Variants in YARS1 observed in about 807,000 individuals in gnomAD.
YARS1 encodes the protein tyrosine--tRNA ligase, cytoplasmic.
In YARS1, 36 loss-of-function variants were observed where a neutral mutation model predicts 62.2. The observed-to-expected ratio is 0.58, with a 90% CI of 0.44 to 0.76. The LOEUF is 0.76. YARS1 is among the 30% of genes least tolerant of loss of function. The probability of loss-of-function intolerance (pLI) is 0.00; values close to 1 mark genes in which losing one functional copy is unlikely to be tolerated. For synonymous variants in YARS1, 234 were observed against 244.9 expected, an observed-to-expected ratio of 0.96 and a Z score of 0.42; for missense variants, 524 against 639.8, an observed-to-expected ratio of 0.82 and a Z score of 1.95.
At chr1:32,777,755 G>A (rs1400964592) in intron 12 of YARS1, among the ~76,000 whole-genome samples, 1 of 152,168 alleles carries the variant, frequency 6.6e-6, no homozygotes, top group African/African-American at 2.4e-5. Context: ...GAGCTATGAT[G>A]GCACCACTGG....
chr1:32,792,704 C>T (rs1393916522), intron 5 of YARS1, among the ~76,000 whole-genome samples: 1 of 151,908 alleles, frequency 6.6e-6, no homozygotes, highest in Admixed American at 6.6e-5. Flanking sequence ...CACGGTGAAA[C>T]CCCGTCTCTA....
At chr1:32,797,638 TCTGCAAAACAAGG>T in intron 5 of YARS1, 112 bp downstream of exon 5, 1 of 854,168 alleles carries the variant, frequency 1.2e-6, no homozygotes, top group Admixed American at 1.8e-5. Flanking sequence ...AGTGTTCTCA[TCTGCAAAACAAGG>T]AGAATATTTA....
intron 1 of YARS1, among the ~76,000 whole-genome samples, chr1:32,815,921 A>G (rs1219891923): frequency 8.5e-5 from 13 of 152,082 alleles, no homozygotes; most frequent in Admixed American, 8.5e-4. Context: ...CACCCTGGCT[A>G]ACACGGTGAA....
intron 7 of YARS1, 194 bp from the exon 8 acceptor site, chr1:32,786,641 G>A: frequency 1.4e-6 from 1 of 722,352 alleles, no homozygotes; most frequent in Non-Finnish European, 2.4e-6. Context: ...TGCTTCAGGG[G>A]AAGGCTTGTG....
At chr1:32,805,028 G>A (rs1207442669) in intron 4 of YARS1, among the ~76,000 whole-genome samples, 3 of 152,090 alleles carry the variant, frequency 2.0e-5, no homozygotes, top group Non-Finnish European at 4.4e-5. Flanking sequence ...GTCAGGAGCT[G>A]GAGACCAGCC....
intron 8 of YARS1, among the ~76,000 whole-genome samples, chr1:32,784,008 C>CATT (rs1553123010): frequency 1.4e-5 from 2 of 142,068 alleles, no homozygotes; most frequent in Non-Finnish European, 1.5e-5. Context: ...CCACAAAAGA[C>CATT]TTTTTTTTTT....
intron 1 of YARS1, chr1:32,811,434 T>C (rs1638583599): frequency 2.8e-6 from 1 of 353,110 alleles, no homozygotes; most frequent in African/African-American, 2.1e-5. Flanking sequence ...CCAGTTGATA[T>C]TACCCTAAGC....
chr1:32,777,998 T>C (rs1367340211), intron 12 of YARS1, among the ~76,000 whole-genome samples: 1 of 152,128 alleles, frequency 6.6e-6, no homozygotes, highest in East Asian at 1.9e-4. Flanking sequence ...AAAAAGAGAT[T>C]CACAAAGTCA....
intron 4 of YARS1, among the ~76,000 whole-genome samples, chr1:32,800,366 G>A (rs1185308642): frequency 6.6e-6 from 1 of 152,054 alleles, no homozygotes; most frequent in African/African-American, 2.4e-5. Flanking sequence ...AGGGCTAGAC[G>A]TGTTGGCTTA....
chr1:32,800,652 C>T (rs1327873449), intron 4 of YARS1, among the ~76,000 whole-genome samples: 1 of 151,750 alleles, frequency 6.6e-6, no homozygotes, highest in Non-Finnish European at 1.5e-5. Flanking sequence ...TGCAGTGGTG[C>T]GAGCTCCGCC....
At position 32,781,780 on chromosome 1, in the gene YARS1, C is replaced by G. The variant is rs139095070; in HGVS notation, c.1042+624G>C. 2.8e-3 allele frequency: 456 copies of G among 164,074 alleles called. 1 individual carries two copies. Among genetic ancestry groups the G allele is most frequent in the Non-Finnish European group, 4.7e-3 (353 of 75,346 alleles). 10.2% of individuals were successfully genotyped at this position (164,074 alleles called of 1,614,324 possible). A position where few individuals can be genotyped will look rare whatever the true frequency, so the allele number is the denominator to read the frequency against. Reference sequence around the variant, plus strand: ...AAGAAACTATCGATACCCTATATACCGGTTGGGTATAATAGGTCTAATCTA... The same window carrying G: ...AAGAAACTATCGATACCCTATATACGGGTTGGGTATAATAGGTCTAATCTA... On this transcript the variant is annotated intron_variant, in intron 9 of 12. Coordinates refer to ENST00000373477, the MANE Select transcript of YARS1 (RefSeq NM_003680.4).
intron 5 of YARS1, 194 bp downstream of exon 5, chr1:32,797,569 A>G: frequency 1.6e-6 from 1 of 613,436 alleles, no homozygotes; most frequent in Non-Finnish European, 2.9e-6. Flanking sequence ...CTGGGTACTA[A>G]TAATTCCTGC....
At chr1:32,815,219 C>T (rs1638679127) in intron 1 of YARS1, among the ~76,000 whole-genome samples, 1 of 152,038 alleles carries the variant, frequency 6.6e-6, no homozygotes, top group African/African-American at 2.4e-5. Context: ...CGTGGTGGTG[C>T]ACGTCTGTAA....
At chr1:32,786,571 T>A in intron 7 of YARS1, 124 bp from the exon 8 acceptor site, 1 of 962,984 alleles carries the variant, frequency 1.0e-6, no homozygotes. Flanking sequence ...AACTTTATTG[T>A]ATGGTATTAT....
chr1:32,796,946 CA>C (rs1198611236), intron 5 of YARS1, among the ~76,000 whole-genome samples: 6 of 76,432 alleles, frequency 7.9e-5, no homozygotes, highest in Admixed American at 5.4e-4. Context: ...GCCTGGGTGA[CA>C]ATAGCGAAAC....
intron 4 of YARS1, among the ~76,000 whole-genome samples, chr1:32,803,804 G>T (rs1638368648): frequency 6.6e-6 from 1 of 152,012 alleles, no homozygotes; most frequent in East Asian, 1.9e-4. Flanking sequence ...ATTTGGCAGG[G>T]TCATAGGACA....
At chr1:32,787,765 T>C (rs1045607266) in intron 6 of YARS1, among the ~76,000 whole-genome samples, 1 of 151,958 alleles carries the variant, frequency 6.6e-6, no homozygotes, top group Admixed American at 6.6e-5. Context: ...TGCCCCGCCT[T>C]GGCCTCTCAA....
At chr1:32,813,021 CA>C (rs1485771454) in intron 1 of YARS1, among the ~76,000 whole-genome samples, 2 of 151,008 alleles carry the variant, frequency 1.3e-5, no homozygotes, top group African/African-American at 2.4e-5. Flanking sequence ...TATCTTAACT[CA>C]AGCTGACTTC....
chr1:32,784,466 C>T (rs1467335518), intron 8 of YARS1, among the ~76,000 whole-genome samples: 1 of 151,996 alleles, frequency 6.6e-6, no homozygotes, highest in African/African-American at 2.4e-5. Context: ...CCCCTCCTCA[C>T]CTTTTAGACT....
Sources: gnomAD v4.1 joint callset for allele counts (sites outside exome capture counted in the v4.1 genomes callset) on GRCh38, gnomAD v4.1.1 for gene constraint, MANE v1.5 for transcripts, NCBI Gene and HGNC (gene_info 2026-07-23, HGNC 2026-07-21) for gene names.